Variants in ADGRE1 observed in about 807,000 individuals in gnomAD.
ADGRE1 encodes adhesion G protein-coupled receptor E1.
In ADGRE1, 82 loss-of-function variants were observed where a neutral mutation model predicts 102.7. The observed-to-expected ratio is 0.80, with a 90% confidence interval of 0.67 to 0.96. The LOEUF is 0.96. ADGRE1 is among the 40% of genes least tolerant of loss of function. The pLI is 0.00. For missense variants in ADGRE1, 1,032 were observed against 1,085.3 expected, an observed-to-expected ratio of 0.95 and a Z score of 0.69; for synonymous variants, 398 against 399.6, an observed-to-expected ratio of 1.00 and a Z score of 0.05.
At position 6,913,815 on chromosome 19, in the gene ADGRE1, C is replaced by T. The variant is rs376031317; in HGVS notation, c.1285C>T (p.Arg429Trp). 100 of 1,598,002 alleles carry T rather than the reference C, an allele frequency of 6.3e-5. 1 individual carries two copies. Among genetic ancestry groups the T allele is most frequent in the Admixed American group, 2.4e-4 (14 of 58,474 alleles). The change falls in exon 11 of 21, where the codon CGG becomes TGG. Residue 429 changes from arginine (R) to tryptophan (W), a missense_variant. Physicochemically the swap from Arg to Trp is moderately radical, Grantham distance 101. Coordinates refer to ENST00000312053, the MANE Select transcript of ADGRE1 (RefSeq NM_001974.5). ...CTCAGCAAATATCACTCCGGCTGTT[C>T]GGACGGAATACTTAGGTAGGAGACA... ...KPSANITPAVRTEYLDIESKV... is the reference protein window; with the variant it reads ...KPSANITPAVWTEYLDIESKV...
At chr19:6,894,357 C>T (rs1973477834) in intron 2 of ADGRE1, among the ~76,000 whole-genome samples, 1 of 152,090 alleles carries the variant, frequency 6.6e-6, no homozygotes, top group South Asian at 2.1e-4. Flanking sequence ...GAAGGAGCAA[C>T]TCACTGAAAC....
intron 8 of ADGRE1, among the ~76,000 whole-genome samples, chr19:6,905,270 C>G (rs1973912381): frequency 6.6e-6 from 1 of 151,898 alleles, no homozygotes; most frequent in African/African-American, 2.4e-5. Flanking sequence ...ATCGCTTGAG[C>G]CTGGGAGGTT....
intron 5 of ADGRE1, chr19:6,898,446 C>T (rs1434028514): frequency 1.9e-6 from 3 of 1,598,410 alleles, no homozygotes; most frequent in African/African-American, 2.7e-5. Context: ...GAAAGCCGGG[C>T]AATTTCTCCT....
chr19:6,896,639 T>G (rs763502535), intron 3 of ADGRE1, 98 bp downstream of exon 3: 3 of 1,405,432 alleles, frequency 2.1e-6, no homozygotes, highest in Non-Finnish European at 2.9e-6. Flanking sequence ...CCCCCCATTT[T>G]TTTTTAAATC....
intron 10 of ADGRE1, among the ~76,000 whole-genome samples, chr19:6,909,405 T>A (rs1025850698): frequency 7.2e-5 from 11 of 152,166 alleles, no homozygotes; most frequent in African/African-American, 2.2e-4. Context: ...TATAAATCCC[T>A]GATCTGGTCT....
At chr19:6,919,310 G>A (rs1353716000) in intron 12 of ADGRE1, among the ~76,000 whole-genome samples, 1 of 151,594 alleles carries the variant, frequency 6.6e-6, no homozygotes, top group African/African-American at 2.4e-5. Flanking sequence ...GATTATAGGC[G>A]TGAGCCACCA....
intron 20 of ADGRE1, 46 bp downstream of exon 20, chr19:6,937,694 C>T (rs779600460): frequency 1.5e-5 from 24 of 1,585,084 alleles, no homozygotes; most frequent in Admixed American, 1.5e-4. Context: ...AGGGAGGTGC[C>T]GGCCTCTTGG....
At position 6,890,582 on chromosome 19, in the gene ADGRE1, A is replaced by G. The variant is rs1973332400; in HGVS notation, c.94+39A>G. 1.9e-6 allele frequency: 3 copies of G among 1,597,638 alleles called. No individual in the cohort carries two copies. In the African/African-American group the frequency reaches 4.1e-5, roughly 22 times the overall value. On this transcript the variant is annotated intron_variant, in intron 2 of 20. Coordinates refer to ENST00000312053, the MANE Select transcript of ADGRE1 (RefSeq NM_001974.5). ...AGAGAATGCAGATGCCTGAAGGGGT[A>G]GAGAAAGTTTTCTCCCCGGGGAAAC...
chr19:6,909,978 C>T (rs1221993668), intron 10 of ADGRE1, among the ~76,000 whole-genome samples: 3 of 149,392 alleles, frequency 2.0e-5, no homozygotes, highest in Non-Finnish European at 4.5e-5. Context: ...AGGCGATCCA[C>T]CTGCCTCGGC....
Position 6,940,138 on chromosome 19 carries a change from C to T in ADGRE1, c.*109C>T, listed in dbSNP as rs375150933. On this transcript the variant is annotated 3_prime_UTR_variant, in exon 21 of 21. Transcript: ENST00000312053. ...TCAGCTTAACATGGAAATGAGGATC[C>T]CACCAGCCCCAGAACCCTCTGGGGA... The T allele has an allele frequency of 8.5e-6, 11 of 1,291,446 alleles. 2 individuals carry two copies. The highest frequency in any genetic ancestry group is 4.8e-5 in the East Asian group (2 of 41,914). The allele number at this position is 1,291,446 out of a possible 1,614,324, so 80.0% of individuals were successfully genotyped here. A position where few individuals can be genotyped will look rare whatever the true frequency, so the allele number is the denominator to read the frequency against.
At chr19:6,907,232 G>T (rs1223025144) in intron 9 of ADGRE1, among the ~76,000 whole-genome samples, 1 of 152,016 alleles carries the variant, frequency 6.6e-6, no homozygotes, top group Non-Finnish European at 1.5e-5. Context: ...TTGTGGTGAG[G>T]TACACATAAC....
At chr19:6,933,788 GC>G (rs973047046) in intron 17 of ADGRE1, among the ~76,000 whole-genome samples, 17 of 152,252 alleles carry the variant, frequency 1.1e-4, no homozygotes, top group African/African-American at 4.1e-4. Flanking sequence ...GCACAAGGCA[GC>G]CCCCTTCTCC....
At chr19:6,939,925 T>C in intron 20 of ADGRE1, 99 bp from the exon 21 acceptor site, 1 of 1,301,880 alleles carries the variant, frequency 7.7e-7, no homozygotes, top group Non-Finnish European at 1.1e-6. Flanking sequence ...TCTTTGTTAC[T>C]GTATTTTTAA....
At chr19:6,927,816 C>T (rs959800722) in intron 16 of ADGRE1, among the ~76,000 whole-genome samples, 2 of 152,060 alleles carry the variant, frequency 1.3e-5, no homozygotes, top group Admixed American at 6.6e-5. Context: ...CGTGAGACCC[C>T]ACGCCCGGCC....
intron 15 of ADGRE1, among the ~76,000 whole-genome samples, chr19:6,925,876 G>A (rs1181725728): frequency 1.3e-5 from 2 of 151,548 alleles, no homozygotes; most frequent in Non-Finnish European, 2.9e-5. Context: ...TTGTATTTTT[G>A]TATAGAGAGG....
At chr19:6,925,102 C>T (rs1305961469) in intron 15 of ADGRE1, among the ~76,000 whole-genome samples, 1 of 152,056 alleles carries the variant, frequency 6.6e-6, no homozygotes, top group Non-Finnish European at 1.5e-5. Flanking sequence ...GTGGTTCCTC[C>T]TATTACTTGT....
At chr19:6,890,665 A>G in intron 2 of ADGRE1, 122 bp downstream of exon 2, 1 of 967,464 alleles carries the variant, frequency 1.0e-6, no homozygotes. Flanking sequence ...GCGGCAGAGC[A>G]AGGGTTAACA....
intron 14 of ADGRE1, among the ~76,000 whole-genome samples, chr19:6,922,487 T>C (rs990732438): frequency 1.1e-4 from 16 of 151,716 alleles, no homozygotes; most frequent in African/African-American, 3.4e-4. Flanking sequence ...TGGTGGTGCA[T>C]GCCTGTTGTC....
intron 2 of ADGRE1, among the ~76,000 whole-genome samples, chr19:6,892,834 T>C (rs1428293332): frequency 6.6e-6 from 1 of 152,202 alleles, no homozygotes; most frequent in African/African-American, 2.4e-5. Context: ...CTGGAGGTCA[T>C]TAAGTGAAAC....
Sources: gnomAD v4.1 joint callset for allele counts (sites outside exome capture counted in the v4.1 genomes callset) on GRCh38, gnomAD v4.1.1 for gene constraint, MANE v1.5 for transcripts, NCBI Gene and HGNC (gene_info 2026-07-23, HGNC 2026-07-21) for gene names.